SUCLG2: variants seen among roughly 807,000 people sequenced by gnomAD.
The protein encoded by SUCLG2 is succinate-CoA ligase GDP-forming subunit beta, also known as succinate--CoA ligase [GDP-forming] subunit beta, mitochondrial.
Under a neutral mutation model 47.9 loss-of-function variants are expected in SUCLG2, and 42 were observed. The observed-to-expected ratio is 0.88, with a 90% CI of 0.69 to 1.14. The LOEUF is 1.14. Ranked by LOEUF, SUCLG2 falls within the 50% of genes most tolerant of loss-of-function variation. The probability of loss-of-function intolerance (pLI) is 0.00; values close to 1 mark genes in which losing one functional copy is unlikely to be tolerated. For missense variants in SUCLG2, 571 were observed against 525.9 expected (o/e 1.09, Z -0.84); for synonymous variants, 195 against 197.3 (o/e 0.99, Z 0.10).
At chr3:67,558,237 A>G (rs937925797) in intron 2 of SUCLG2, among the ~76,000 whole-genome samples, 12 of 152,052 alleles carry the variant, frequency 7.9e-5, no homozygotes, top group Admixed American at 1.3e-4. Flanking sequence ...CATTTTCCAT[A>G]TGCACATGCA....
chr3:67,387,484 G>A (rs996121090), intron 10 of SUCLG2, among the ~76,000 whole-genome samples: 1 of 152,030 alleles, frequency 6.6e-6, no homozygotes, highest in Non-Finnish European at 1.5e-5. Flanking sequence ...TTCTTTCTGG[G>A]GATCCTTTCT....
At chr3:67,399,989 T>C (rs1702646077) in intron 10 of SUCLG2, among the ~76,000 whole-genome samples, 1 of 152,118 alleles carries the variant, frequency 6.6e-6, no homozygotes, top group Non-Finnish European at 1.5e-5. Context: ...AAGACCAGCC[T>C]GGGCAACAAA....
rs188713973 is a variant in SUCLG2, at chr3:67,581,808, C to G, written c.226+27647G>C. 2.0e-4 allele frequency among the ~76,000 whole-genome samples: 31 copies of G among 152,226 alleles called. No homozygotes were observed. The South Asian group carries it at 5.4e-3, about 26-fold the overall frequency. Reference sequence around the variant, plus strand: ...GGAGGAAAGAATAATTATAGAAAGACCCGGTGGTATTTAAGGCAACTTATA... The same window carrying G: ...GGAGGAAAGAATAATTATAGAAAGAGCCGGTGGTATTTAAGGCAACTTATA... On this transcript the variant is annotated intron_variant, in intron 2 of 10. Coordinates refer to ENST00000307227, the MANE Select transcript of SUCLG2 (RefSeq NM_003848.4).
At chr3:67,592,376 T>C (rs1708184487) in intron 2 of SUCLG2, among the ~76,000 whole-genome samples, 1 of 152,186 alleles carries the variant, frequency 6.6e-6, no homozygotes, top group Admixed American at 6.5e-5. Flanking sequence ...GGAAACTCAC[T>C]ATCCTAGCAG....
chr3:67,610,880 T>C (rs985165174), intron 1 of SUCLG2, among the ~76,000 whole-genome samples: 1 of 152,196 alleles, frequency 6.6e-6, no homozygotes, highest in Non-Finnish European at 1.5e-5. Context: ...TCTTTTGAAA[T>C]AGGGTGATTC....
rs555991953 is a variant in SUCLG2 at position 67,398,665 on chromosome 3, T to A, written c.1183+2066A>T. On this transcript the variant is annotated intron_variant, in intron 10 of 10. Transcript: ENST00000307227. ...ATACCATTTGACCCAGCAATCCCATTACTGGGTATATACCCAAAGGACTAT... is the reference window on the plus strand; with the variant it reads ...ATACCATTTGACCCAGCAATCCCATAACTGGGTATATACCCAAAGGACTAT... Among the ~76,000 whole-genome samples the A allele has an allele frequency of 5.9e-5, 9 of 152,250 alleles. No homozygotes were observed. In the South Asian group the frequency reaches 1.9e-3, roughly 32 times the overall value.
intron 4 of SUCLG2, among the ~76,000 whole-genome samples, chr3:67,522,734 G>T (rs1397464899): frequency 6.6e-6 from 1 of 150,626 alleles, no homozygotes; most frequent in Non-Finnish European, 1.5e-5. Flanking sequence ...CGCGATCTCG[G>T]CTCACTGCAA....
intron 2 of SUCLG2, among the ~76,000 whole-genome samples, chr3:67,544,897 TC>T (rs1488246499): frequency 6.6e-6 from 1 of 152,210 alleles, no homozygotes; most frequent in Non-Finnish European, 1.5e-5. Context: ...AAAGTTTATT[TC>T]CCTATGTTCA....
intron 10 of SUCLG2, among the ~76,000 whole-genome samples, chr3:67,393,557 G>A (rs1201272766): frequency 1.3e-5 from 2 of 152,190 alleles, no homozygotes; most frequent in East Asian, 1.9e-4. Context: ...GCTCAAGGAG[G>A]CCTGCCTGCC....
chr3:67,651,114 A>G (rs891924753), intron 1 of SUCLG2, among the ~76,000 whole-genome samples: 2 of 152,170 alleles, frequency 1.3e-5, no homozygotes, highest in African/African-American at 4.8e-5. Flanking sequence ...AAATTCACTG[A>G]ACACCACTCT....
intron 2 of SUCLG2, among the ~76,000 whole-genome samples, chr3:67,570,588 C>G (rs1359351679): frequency 6.6e-6 from 1 of 152,192 alleles, no homozygotes; most frequent in Admixed American, 6.5e-5. Context: ...AACACAGAGG[C>G]TGAAATCAAC....
chr3:67,597,831 C>T (rs957319143), intron 2 of SUCLG2, among the ~76,000 whole-genome samples: 7 of 151,400 alleles, frequency 4.6e-5, no homozygotes, highest in East Asian at 2.0e-4. Context: ...CCAGCTACCC[C>T]GGAGGCTGAG....
At chr3:67,480,823 A>T (rs1704893207) in intron 9 of SUCLG2, among the ~76,000 whole-genome samples, 1 of 152,214 alleles carries the variant, frequency 6.6e-6, no homozygotes, top group African/African-American at 2.4e-5. Context: ...TAGGGAAGAC[A>T]GGATCCAAGT....
chr3:67,618,564 G>C (rs2107328862), intron 1 of SUCLG2, among the ~76,000 whole-genome samples: 1 of 152,238 alleles, frequency 6.6e-6, no homozygotes, highest in South Asian at 2.1e-4. Flanking sequence ...TTAAGAGAGA[G>C]TCACGATTTG....
At chr3:67,395,934 G>C (rs1702515405) in intron 10 of SUCLG2, among the ~76,000 whole-genome samples, 1 of 152,230 alleles carries the variant, frequency 6.6e-6, no homozygotes, top group African/African-American at 2.4e-5. Context: ...GGGTACATAA[G>C]TAAATGAAGG....
intron 1 of SUCLG2, among the ~76,000 whole-genome samples, chr3:67,632,961 G>A (rs564104103): frequency 6.6e-6 from 1 of 152,154 alleles, no homozygotes; most frequent in African/African-American, 2.4e-5. Flanking sequence ...GTCAAGCAAA[G>A]AACTCATTTG....
chr3:67,426,019 C>T (rs1025354997), intron 9 of SUCLG2, among the ~76,000 whole-genome samples: 5 of 152,132 alleles, frequency 3.3e-5, no homozygotes, highest in Admixed American at 3.3e-4. Flanking sequence ...AACTCAATTA[C>T]CAACTGTCTC....
intron 6 of SUCLG2, chr3:67,514,189 AACTC>A (rs1461449311): frequency 1.5e-5 from 5 of 337,184 alleles, no homozygotes; most frequent in African/African-American, 1.1e-4. Context: ...CACCCCTAAA[AACTC>A]ACTCTTGGGA....
chr3:67,605,629 G>A (rs1225661818), intron 2 of SUCLG2, among the ~76,000 whole-genome samples: 1 of 151,920 alleles, frequency 6.6e-6, no homozygotes, highest in Non-Finnish European at 1.5e-5. Flanking sequence ...ACCACCTTAA[G>A]GAGCATCATA....
Sources: allele counts gnomAD v4.1 joint callset (sites outside exome capture counted in the v4.1 genomes callset), GRCh38; gene constraint gnomAD v4.1.1; transcripts MANE v1.5; gene names NCBI Gene and HGNC (gene_info 2026-07-23, HGNC 2026-07-21).